Variants in F13A1 observed in about 807,000 individuals in gnomAD.
The protein encoded by F13A1 is FSF, A subunit.
F13A1 carries 47 observed loss-of-function variants against 80.1 expected under a neutral mutation model. The observed-to-expected ratio is 0.59, with a 90% confidence interval of 0.46 to 0.75. The LOEUF is 0.75. Ranked by LOEUF, F13A1 falls within the 30% of genes least tolerant of loss-of-function variation. The probability of loss-of-function intolerance (pLI) is 0.00; values close to 1 mark genes in which losing one functional copy is unlikely to be tolerated. For synonymous variants in F13A1, 349 were observed against 344.9 expected (o/e 1.01, Z -0.13); for missense variants, 817 against 930.4 (o/e 0.88, Z 1.59).
At chr6:6,232,047 A>G (rs1184655223) in intron 6 of F13A1, among the ~76,000 whole-genome samples, 1 of 152,128 alleles carries the variant, frequency 6.6e-6, no homozygotes, top group Non-Finnish European at 1.5e-5. Flanking sequence ...AAACAAAAAA[A>G]CCAAAGTACA....
intron 10 of F13A1, among the ~76,000 whole-genome samples, chr6:6,194,129 C>G (rs1761248642): frequency 1.3e-5 from 2 of 152,074 alleles, no homozygotes; most frequent in African/African-American, 4.8e-5. Flanking sequence ...GAGGGATGAC[C>G]AGCCCTCTAG....
chr6:6,208,032 C>T (rs1047678408), intron 8 of F13A1, among the ~76,000 whole-genome samples: 1 of 152,068 alleles, frequency 6.6e-6, no homozygotes, highest in Non-Finnish European at 1.5e-5. Context: ...AAGTATAGCC[C>T]ATACACAGGA....
rs4053228 is a variant in F13A1 at position 6,238,715 on chromosome 6, C to CATATATATATATATATATATATGTATAT, written c.798+9596_798+9597insATATACATATATATATATATATATATAT. Among the ~76,000 whole-genome samples, 268 of 146,028 alleles carry CATATATATATATATATATATATGTATAT rather than the reference C, an allele frequency of 1.8e-3. 6 individuals are homozygous for CATATATATATATATATATATATGTATAT. The highest frequency in any genetic ancestry group is 6.3e-3 in the African/African-American group (248 of 39,236). On this transcript the variant is annotated intron_variant, in intron 6 of 14. Coordinates refer to ENST00000264870, the MANE Select transcript of F13A1 (RefSeq NM_000129.4). ...AATCAGTAGACTTGAAAACATGCTG[C>CATATATATATATATATATATATGTATAT]ATATATATATATATATATAGCCAAT...
At position 6,247,632 on chromosome 6, in the gene F13A1, G is replaced by C. The variant is rs201862769; in HGVS notation, c.798+680C>G. Among the ~76,000 whole-genome samples the C allele has an allele frequency of 2.0e-5, 3 of 152,188 alleles. No individual in the cohort carries two copies. In the East Asian group the frequency reaches 5.8e-4, roughly 29 times the overall value. ...ACTGCAAGATCTCTGCATTCTCAAAGTTGTTTTAGGATATCCTGCAGAGAG... is the reference window on the plus strand; with the variant it reads ...ACTGCAAGATCTCTGCATTCTCAAACTTGTTTTAGGATATCCTGCAGAGAG... On this transcript the variant is annotated intron_variant, in intron 6 of 14. Transcript: ENST00000264870.
intron 11 of F13A1, among the ~76,000 whole-genome samples, chr6:6,178,571 C>A (rs752013974): frequency 5.3e-5 from 8 of 151,802 alleles, no homozygotes. Context: ...AGGTAAAGTC[C>A]CGGTGGAGAC....
rs187185511 is a variant in F13A1 at position 6,234,365 on chromosome 6, T to C, written c.799-9505A>G. Among the ~76,000 whole-genome samples, 321 of 152,036 alleles carry C rather than the reference T, an allele frequency of 2.1e-3. 1 individual carries two copies. Among genetic ancestry groups the C allele is most frequent in the South Asian group, 4.1e-3 (20 of 4,820 alleles). ...CCCCTTTTACACACATTGTCGAACATGAAGTACTTCAGGGAATATGGTACC... is the reference window on the plus strand; with the variant it reads ...CCCCTTTTACACACATTGTCGAACACGAAGTACTTCAGGGAATATGGTACC... On this transcript the variant is annotated intron_variant, in intron 6 of 14. Transcript: ENST00000264870.
chr6:6,225,220 C>T (rs1757259967), intron 6 of F13A1, among the ~76,000 whole-genome samples: 1 of 151,818 alleles, frequency 6.6e-6, no homozygotes, highest in South Asian at 2.1e-4. Context: ...GGAAGAAGAC[C>T]TACAAAAGAT....
chr6:6,280,603 A>T (rs1269650533), intron 3 of F13A1, among the ~76,000 whole-genome samples: 1 of 152,174 alleles, frequency 6.6e-6, no homozygotes, highest in African/African-American at 2.4e-5. Flanking sequence ...GATAAACAAT[A>T]CAGGAGACCA....
intron 12 of F13A1, among the ~76,000 whole-genome samples, chr6:6,170,372 A>ATT (rs1410338188): frequency 0.032 from 4,877 of 152,318 alleles, 159 homozygotes; most frequent in African/African-American, 0.086. Context: ...AGCACTAAAG[A>ATT]AACCAGGCTG....
At chr6:6,160,358 T>G (rs75652670) in intron 13 of F13A1, among the ~76,000 whole-genome samples, 1,992 of 151,986 alleles carry the variant, frequency 0.013, 53 homozygotes, top group African/African-American at 0.045. Context: ...TGTTTTGTTT[T>G]TTGAGTCTTG....
chr6:6,265,864 T>C (rs1056564429), intron 4 of F13A1, among the ~76,000 whole-genome samples: 1 of 152,228 alleles, frequency 6.6e-6, no homozygotes, highest in Non-Finnish European at 1.5e-5. Flanking sequence ...GTTTTGATAA[T>C]CAAGCTTAAT....
intron 14 of F13A1, 100 bp from the exon 15 acceptor site, chr6:6,145,872 C>A (rs912969447): frequency 6.6e-7 from 1 of 1,524,410 alleles, no homozygotes; most frequent in African/African-American, 1.4e-5. Context: ...CTTTCTTTCT[C>A]TCAGTTGGTG....
intron 10 of F13A1, among the ~76,000 whole-genome samples, chr6:6,188,853 A>ATT (rs1761127088): frequency 1.4e-5 from 1 of 72,682 alleles, no homozygotes; most frequent in African/African-American, 9.8e-5. Context: ...AATGTGTGGG[A>ATT]ATCTAAGTCT....
At chr6:6,197,662 G>A (rs1322911287) in intron 8 of F13A1, among the ~76,000 whole-genome samples, 3 of 146,840 alleles carry the variant, frequency 2.0e-5, no homozygotes, top group Non-Finnish European at 3.0e-5. Context: ...TGGTGACAGA[G>A]GGAGACTCCA....
intron 4 of F13A1, among the ~76,000 whole-genome samples, chr6:6,265,125 CAAAGA>C (rs1373864415): frequency 2.6e-5 from 4 of 152,110 alleles, no homozygotes; most frequent in African/African-American, 9.7e-5. Flanking sequence ...AAATATAAAA[CAAAGA>C]AAAGATCAGT....
At chr6:6,273,674 T>C (rs527586073) in intron 3 of F13A1, among the ~76,000 whole-genome samples, 37 of 152,324 alleles carry the variant, frequency 2.4e-4, no homozygotes, top group African/African-American at 8.4e-4. Context: ...GCACCTTTCA[T>C]GTTCAAAATA....
chr6:6,292,245 C>A (rs1758233853), intron 3 of F13A1, among the ~76,000 whole-genome samples: 1 of 152,212 alleles, frequency 6.6e-6, no homozygotes, highest in Non-Finnish European at 1.5e-5. Context: ...TTAGCATTTT[C>A]CACACTCGAT....
At chr6:6,221,159 C>T (rs1757187254) in intron 8 of F13A1, among the ~76,000 whole-genome samples, 1 of 152,148 alleles carries the variant, frequency 6.6e-6, no homozygotes, top group Admixed American at 6.5e-5. Flanking sequence ...CAATTTCCTC[C>T]CACACAGACC....
At chr6:6,255,143 T>C (rs1020446611) in intron 4 of F13A1, among the ~76,000 whole-genome samples, 2 of 152,186 alleles carry the variant, frequency 1.3e-5, no homozygotes, top group Non-Finnish European at 2.9e-5. Context: ...GGGGGTAACA[T>C]TTATCCCACT....
Sources: allele counts gnomAD v4.1 joint callset (sites outside exome capture counted in the v4.1 genomes callset), GRCh38; gene constraint gnomAD v4.1.1; transcripts MANE v1.5; gene names NCBI Gene and HGNC (gene_info 2026-07-23, HGNC 2026-07-21).